Variants in AKR1C1 observed in about 807,000 individuals in gnomAD.
AKR1C1 encodes the protein aldo-keto reductase family 1 member C1.
A neutral mutation model predicts 40.6 loss-of-function variants in AKR1C1; 32 were observed. The observed-to-expected ratio is 0.79, with a 90% CI of 0.60 to 1.06. AKR1C1 has a LOEUF of 1.06. Among genes scored for constraint, AKR1C1 ranks in the 50% least tolerant of loss-of-function variants. The probability of loss-of-function intolerance (pLI) is 0.00; values close to 1 mark genes in which losing one functional copy is unlikely to be tolerated. For synonymous variants in AKR1C1, 105 were observed against 134.2 expected (o/e 0.78, Z 1.50); for missense variants, 320 against 363.5 (o/e 0.88, Z 0.97).
Position 4,965,898 on chromosome 10 carries a change from A to G in AKR1C1, c.85-16A>G, listed in dbSNP as rs561442757. On this transcript the variant is annotated splice_polypyrimidine_tract_variant and intron_variant, in intron 1 of 8. Coordinates refer to ENST00000380872, the MANE Select transcript of AKR1C1 (RefSeq NM_001353.6). ...GCACATTAGTCAGAAAATACTACCT[A>G]TGGTTACTCCCCCAGGTTCCTAAAA... The G allele has an allele frequency of 2.4e-5, 38 of 1,610,346 alleles. No homozygotes were observed. The African/African-American group carries it at 3.6e-4, about 15-fold the overall frequency.
At chr10:4,977,656 G>A (rs1554770613) in intron 8 of AKR1C1, 44 bp from the exon 9 acceptor site, 1 of 1,612,024 alleles carries the variant, frequency 6.2e-7, no homozygotes, top group South Asian at 1.1e-5. Flanking sequence ...GCTAGTAACG[G>A]AGTCATTGCC....
At chr10:4,971,420 A>T (rs372471224) in intron 5 of AKR1C1, among the ~76,000 whole-genome samples, 89 of 150,852 alleles carry the variant, frequency 5.9e-4, no homozygotes, top group African/African-American at 1.8e-3. Context: ...CGCACTAATT[A>T]CTACAGACTC....
intron 7 of AKR1C1, among the ~76,000 whole-genome samples, chr10:4,974,790 A>C (rs1419647551): frequency 6.6e-6 from 1 of 152,058 alleles, no homozygotes; most frequent in Non-Finnish European, 1.5e-5. Flanking sequence ...TTTCTGTACT[A>C]TGATGTTAAA....
rs1554770862 is a variant in AKR1C1, at chr10:4,979,459, A to G, written c.*1717A>G. 1 of 152,132 alleles carries G rather than the reference A, an allele frequency of 6.6e-6. No individual in the cohort carries two copies. Among genetic ancestry groups the G allele is most frequent in the African/African-American group, 2.4e-5 (1 of 41,406 alleles). 9.4% of individuals were successfully genotyped at this position (152,132 alleles called of 1,614,324 possible). ...ATGTAAACCATGGCCATCCTGTTCT[A>G]CCTTAACTTTCTGAGTCTATGGAAT... is the stretch of plus-strand genomic sequence containing the variant. On this transcript the variant is annotated 3_prime_UTR_variant, in exon 9 of 9. Transcript: ENST00000380872.
intron 7 of AKR1C1, among the ~76,000 whole-genome samples, chr10:4,973,151 CTTGT>C (rs1836465431): frequency 1.5e-5 from 2 of 134,628 alleles, no homozygotes; most frequent in Admixed American, 7.2e-5. Context: ...TTGCGAAGTG[CTTGT>C]TTAACTCTGC....
rs1412291051 is a variant in AKR1C1 at position 4,979,348 on chromosome 10, T to A, written c.*1606T>A. ...TAGCTCAGATTTTTCCTCCAAATTCTGCAATAGAAGATCACAATGTGAACT... is the reference window on the plus strand; with the variant it reads ...TAGCTCAGATTTTTCCTCCAAATTCAGCAATAGAAGATCACAATGTGAACT... On this transcript the variant is annotated 3_prime_UTR_variant, in exon 9 of 9. Transcript: ENST00000380872. The A allele has an allele frequency of 6.6e-6, 1 of 152,208 alleles. No homozygotes were observed. Among genetic ancestry groups the A allele is most frequent in the Non-Finnish European group, 1.5e-5 (1 of 68,036 alleles). 9.4% of individuals were successfully genotyped at this position (152,208 alleles called of 1,614,324 possible). A position where few individuals can be genotyped will look rare whatever the true frequency, so the allele number is the denominator to read the frequency against.
intron 8 of AKR1C1, among the ~76,000 whole-genome samples, chr10:4,977,046 G>A (rs1836537147): frequency 6.6e-6 from 1 of 152,150 alleles, no homozygotes; most frequent in Non-Finnish European, 1.5e-5. Flanking sequence ...TTTGCTCTTG[G>A]TGTAATCAAA....
chr10:4,969,058 G>A, intron 5 of AKR1C1, 114 bp downstream of exon 5: 2 of 1,569,084 alleles, frequency 1.3e-6, no homozygotes, highest in South Asian at 1.2e-5. Flanking sequence ...AGATTCTAGA[G>A]AGCAAAGACT....
chr10:4,969,611 C>T (rs1836392014), intron 5 of AKR1C1: 1 of 1,578,564 alleles, frequency 6.3e-7, no homozygotes, highest in Non-Finnish European at 8.6e-7. Flanking sequence ...GGCTGCTCTT[C>T]TTTGGAGTCT....
intron 2 of AKR1C1, among the ~76,000 whole-genome samples, chr10:4,966,401 T>C (rs1836334977): frequency 6.6e-6 from 1 of 152,240 alleles, no homozygotes; most frequent in African/African-American, 2.4e-5. Context: ...GTGAGTTTCT[T>C]ACACTTGTTA....
chr10:4,976,567 C>G (rs1180444958), intron 8 of AKR1C1, among the ~76,000 whole-genome samples: 3 of 152,188 alleles, frequency 2.0e-5, no homozygotes, highest in Non-Finnish European at 4.4e-5. Context: ...ATGGAGATCT[C>G]AGTGCAGAGA....
chr10:4,968,824 C>G lies in AKR1C1; in HGVS notation c.450C>G (p.Ala150=). ...DTVDLCATWE[A]VEKCKDAGLA... ...ACCTCACAATTCCTTTTTCCCAGGC[C>G]GTGGAGAAGTGTAAAGATGCAGGAT... The change falls in exon 5 of 9, where the codon GCC becomes GCG. Residue 150 remains alanine, a splice_region_variant and synonymous_variant. Transcript: ENST00000380872. 1 of 1,614,070 alleles carries G rather than the reference C, an allele frequency of 6.2e-7. No individual in the cohort carries two copies. The highest frequency in any genetic ancestry group is 8.5e-7 in the Non-Finnish European group (1 of 1,180,006).
chr10:4,967,268 C>G, intron 3 of AKR1C1: 2 of 1,049,796 alleles, frequency 1.9e-6, no homozygotes, highest in Non-Finnish European at 2.5e-6. Flanking sequence ...CTCAAAGCCT[C>G]TGCCTCAAAA....
rs1353604325 is a variant in AKR1C1 at position 4,982,696 on chromosome 10, G to C, written c.*4954G>C. 3.5e-6 allele frequency: 1 copy of C among 288,536 alleles called. No individual in the cohort carries two copies. The highest frequency in any genetic ancestry group is 6.8e-6 in the Non-Finnish European group (1 of 147,954). The allele number at this position is 288,536 out of a possible 1,614,324, so 17.9% of individuals were successfully genotyped here. ...ATTGCCTGAGAAACCACTTTCCCTG[G>C]GCAACTTAGGGCAAGCTCAAATCCC... On this transcript the variant is annotated 3_prime_UTR_variant, in exon 9 of 9. Transcript: ENST00000380872.
At chr10:4,974,447 AT>A (rs1836492914) in intron 7 of AKR1C1, among the ~76,000 whole-genome samples, 1 of 151,780 alleles carries the variant, frequency 6.6e-6, no homozygotes, top group African/African-American at 2.4e-5. Flanking sequence ...ATGTAGACTA[AT>A]TTTTCATGCC....
chr10:4,969,704 T>C, intron 5 of AKR1C1: 2 of 1,612,276 alleles, frequency 1.2e-6, no homozygotes, highest in South Asian at 1.1e-5. Flanking sequence ...TTTCCTTGAG[T>C]CCTGACTGGT....
chr10:4,965,787 A>T, intron 1 of AKR1C1, 127 bp from the exon 2 acceptor site: 1 of 1,125,988 alleles, frequency 8.9e-7, no homozygotes, highest in East Asian at 2.6e-5. Context: ...GGATGGGCTC[A>T]TGATTCTACA....
intron 8 of AKR1C1, among the ~76,000 whole-genome samples, chr10:4,976,787 T>C (rs1214279741): frequency 6.6e-6 from 1 of 152,124 alleles, no homozygotes; most frequent in Non-Finnish European, 1.5e-5. Context: ...TGAGATAATG[T>C]GTGAAAAAAA....
chr10:4,970,355 AT>A (rs1241488712), intron 5 of AKR1C1, among the ~76,000 whole-genome samples: 2 of 152,012 alleles, frequency 1.3e-5, no homozygotes, highest in Non-Finnish European at 2.9e-5. Context: ...ATATTGTTGT[AT>A]TTTGATATCA....
Sources: allele counts gnomAD v4.1 joint callset (sites outside exome capture counted in the v4.1 genomes callset), GRCh38; gene constraint gnomAD v4.1.1; transcripts MANE v1.5; gene names NCBI Gene and HGNC (gene_info 2026-07-23, HGNC 2026-07-21).